PTPRN2: variants seen among roughly 807,000 people sequenced by gnomAD.
PTPRN2 encodes the protein protein tyrosine phosphatase receptor type N2, also known as receptor-type tyrosine-protein phosphatase N2.
In PTPRN2, 74 loss-of-function variants were observed where a neutral mutation model predicts 118.8. That is an observed-to-expected ratio of 0.62 (90% CI 0.52 to 0.76). The LOEUF is 0.76. Among genes scored for constraint, PTPRN2 ranks in the 30% least tolerant of loss-of-function variants. PTPRN2 has a pLI of 0.00. For synonymous variants in PTPRN2, 641 were observed against 608.0 expected, an observed-to-expected ratio of 1.05 and a Z score of -0.80; for missense variants, 1,481 against 1,394.4, an observed-to-expected ratio of 1.06 and a Z score of -0.99.
At chr7:158,164,070 G>T (rs935687684) in intron 6 of PTPRN2, among the ~76,000 whole-genome samples, 2 of 152,238 alleles carry the variant, frequency 1.3e-5, no homozygotes, top group African/African-American at 4.8e-5. Context: ...AGCACATTGT[G>T]TAACTCGTAG....
At chr7:157,809,093 AG>A (rs1585523158) in intron 12 of PTPRN2, among the ~76,000 whole-genome samples, 1 of 147,720 alleles carries the variant, frequency 6.8e-6, no homozygotes, top group Admixed American at 6.6e-5. Flanking sequence ...AAAGCAAAAT[AG>A]TACATCAAAA....
intron 2 of PTPRN2, among the ~76,000 whole-genome samples, chr7:158,439,110 C>T (rs140965515): frequency 1.7e-3 from 257 of 152,312 alleles, no homozygotes; most frequent in African/African-American, 5.8e-3. Flanking sequence ...ACCTGGAAGC[C>T]GCCATTTCCA....
At chr7:158,198,246 C>T (rs111802557) in intron 4 of PTPRN2, among the ~76,000 whole-genome samples, 2,150 of 152,296 alleles carry the variant, frequency 0.014, 47 homozygotes, top group African/African-American at 0.044. Context: ...CAGTATGTTA[C>T]GGCAATGAGA....
At chr7:158,065,692 G>A (rs1216158904) in intron 11 of PTPRN2, among the ~76,000 whole-genome samples, 1 of 152,120 alleles carries the variant, frequency 6.6e-6, no homozygotes, top group Non-Finnish European at 1.5e-5. Flanking sequence ...CTGACGCTCA[G>A]AACTCTTATT....
At chr7:157,577,281 G>C (rs10257159) in intron 18 of PTPRN2, among the ~76,000 whole-genome samples, 7 of 152,186 alleles carry the variant, frequency 4.6e-5, no homozygotes, top group South Asian at 4.1e-4. Context: ...AGGCACTTCC[G>C]GGCCTAAGCG....
intron 4 of PTPRN2, among the ~76,000 whole-genome samples, chr7:158,194,644 C>A (rs1826069799): frequency 6.6e-6 from 1 of 152,222 alleles, no homozygotes; most frequent in South Asian, 2.1e-4. Flanking sequence ...TTCTCTCAGG[C>A]CAGGGAGAGG....
intron 3 of PTPRN2, among the ~76,000 whole-genome samples, chr7:158,209,236 C>T (rs934430111): frequency 6.6e-6 from 1 of 152,040 alleles, no homozygotes; most frequent in Non-Finnish European, 1.5e-5. Flanking sequence ...GGACTAAACT[C>T]TCCAATCAAA....
At chr7:157,551,305 C>T (rs1171207705) in intron 21 of PTPRN2, among the ~76,000 whole-genome samples, 2 of 152,098 alleles carry the variant, frequency 1.3e-5, no homozygotes, top group Non-Finnish European at 1.5e-5. Context: ...GAACCCAGAA[C>T]TGTGCTGCAA....
intron 1 of PTPRN2, among the ~76,000 whole-genome samples, chr7:158,568,786 TA>T (rs796604440): frequency 7.6e-4 from 111 of 146,184 alleles, no homozygotes; most frequent in East Asian, 2.6e-3. Context: ...AATGTTTAAA[TA>T]AAAAAAAAAA....
Position 157,874,746 on chromosome 7 carries a change from T to TACACAGACACACACTCATGCACAC in PTPRN2, c.1788+23903_1788+23926dup, listed in dbSNP as rs1795613486. Reference sequence around the variant, plus strand: ...ACACACAGAGACACACTCATGCACATACACAGACACACACTCATGCACACA... The same window carrying TACACAGACACACACTCATGCACAC: ...ACACACAGAGACACACTCATGCACATACACAGACACACACTCATGCACACACACAGACACACACTCATGCACACA... On this transcript the variant is annotated intron_variant, in intron 12 of 22. Coordinates refer to ENST00000389418, the MANE Select transcript of PTPRN2 (RefSeq NM_002847.5). The surrounding 1 kb of genome is among the most constrained non-coding windows in gnomAD (Gnocchi z 5.8). Among the ~76,000 whole-genome samples, 1 of 147,242 alleles carries TACACAGACACACACTCATGCACAC rather than the reference T, an allele frequency of 6.8e-6. No individual in the cohort carries two copies. The highest frequency in any genetic ancestry group is 1.5e-5 in the Non-Finnish European group (1 of 66,864).
At chr7:157,638,248 A>G (rs114022523) in intron 14 of PTPRN2, among the ~76,000 whole-genome samples, 1 of 152,168 alleles carries the variant, frequency 6.6e-6, no homozygotes, top group Non-Finnish European at 1.5e-5. Flanking sequence ...TGCGAGACAA[A>G]GTTATTGTCC....
At chr7:158,051,252 G>A (rs1356006833) in intron 11 of PTPRN2, among the ~76,000 whole-genome samples, 1 of 152,220 alleles carries the variant, frequency 6.6e-6, no homozygotes, top group Non-Finnish European at 1.5e-5. Context: ...CTTGCTGAGG[G>A]GAGACGGCAC....
At chr7:157,651,272 C>T (rs991170433) in intron 14 of PTPRN2, among the ~76,000 whole-genome samples, 3 of 152,152 alleles carry the variant, frequency 2.0e-5, no homozygotes, top group African/African-American at 7.2e-5. Flanking sequence ...GTTTTAATGT[C>T]GTCATCTGTG....
intron 9 of PTPRN2, among the ~76,000 whole-genome samples, chr7:158,130,985 CAT>C (rs200523214): frequency 0.012 from 1,836 of 151,724 alleles, 37 homozygotes; most frequent in African/African-American, 0.041. Context: ...CACAAACACA[CAT>C]ATGCAGAAAT....
intron 12 of PTPRN2, among the ~76,000 whole-genome samples, chr7:157,850,273 G>A (rs977708768): frequency 6.7e-6 from 1 of 150,118 alleles, no homozygotes; most frequent in East Asian, 2.0e-4. Flanking sequence ...CCAAATTTCC[G>A]ACATGGGGTG....
intron 12 of PTPRN2, among the ~76,000 whole-genome samples, chr7:157,755,129 C>T (rs1801702876): frequency 6.6e-6 from 1 of 152,216 alleles, no homozygotes; most frequent in East Asian, 1.9e-4. Context: ...CAGCAATCTG[C>T]CTGCCTTGGC....
At chr7:158,445,514 C>T (rs1817658424) in intron 2 of PTPRN2, among the ~76,000 whole-genome samples, 1 of 152,232 alleles carries the variant, frequency 6.6e-6, no homozygotes, top group Non-Finnish European at 1.5e-5. Flanking sequence ...CCCGCGGCCT[C>T]TCGGGAACAG....
chr7:158,467,065 G>A (rs1244280687), intron 2 of PTPRN2, among the ~76,000 whole-genome samples: 6 of 152,114 alleles, frequency 3.9e-5, no homozygotes, highest in Admixed American at 3.3e-4. Context: ...CTACACACTT[G>A]CCAACACTTG....
chr7:157,547,484 T>C (rs1465650826), intron 22 of PTPRN2, among the ~76,000 whole-genome samples: 5 of 152,162 alleles, frequency 3.3e-5, no homozygotes, highest in Admixed American at 3.3e-4. Context: ...GTCCAGTTCC[T>C]GTTGAGCCAA....
Sources: allele counts gnomAD v4.1 joint callset (sites outside exome capture counted in the v4.1 genomes callset), GRCh38; gene constraint gnomAD v4.1.1; non-coding constraint Gnocchi (gnomAD v3.1); transcripts MANE v1.5; gene names NCBI Gene and HGNC (gene_info 2026-07-23, HGNC 2026-07-21).